Variants in LARP1B observed in about 807,000 individuals in gnomAD.
LARP1B encodes the protein la-related protein 1B.
Under a neutral mutation model 114.2 loss-of-function variants are expected in LARP1B, and 76 were observed. That is an observed-to-expected ratio of 0.67 (90% CI 0.55 to 0.81). The LOEUF is 0.81. LARP1B is among the 30% of genes least tolerant of loss of function. The pLI is 0.00. For missense variants in LARP1B, 1,014 were observed against 1,075.8 expected, an observed-to-expected ratio of 0.94 and a Z score of 0.80; for synonymous variants, 345 against 348.0, an observed-to-expected ratio of 0.99 and a Z score of 0.10.
At chr4:128,090,924 A>G in intron 5 of LARP1B, 77 bp from the exon 6 acceptor site, 1 of 1,134,312 alleles carries the variant, frequency 8.8e-7, no homozygotes, top group Non-Finnish European at 1.3e-6. Context: ...GAAGGTGGCT[A>G]TTATGTTTTC....
chr4:128,197,966 C>T (rs147533363), intron 15 of LARP1B, among the ~76,000 whole-genome samples: 1 of 141,188 alleles, frequency 7.1e-6, no homozygotes, highest in African/African-American at 2.6e-5. Flanking sequence ...CTCACTGCAA[C>T]CTCCGCTGCC....
At chr4:128,195,968 T>C (rs750817648) in intron 15 of LARP1B, among the ~76,000 whole-genome samples, 5 of 151,966 alleles carry the variant, frequency 3.3e-5, no homozygotes, top group Non-Finnish European at 7.4e-5. Context: ...ATGAGAATAC[T>C]GTGGGCTGGG....
intron 5 of LARP1B, among the ~76,000 whole-genome samples, chr4:128,085,527 G>A (rs1009333454): frequency 2.6e-4 from 40 of 151,458 alleles, no homozygotes; most frequent in African/African-American, 9.7e-4. Context: ...CACCATGCCC[G>A]GCTAATTAAA....
intron 1 of LARP1B, among the ~76,000 whole-genome samples, chr4:128,072,480 G>T (rs1765760280): frequency 1.3e-5 from 2 of 152,038 alleles, no homozygotes; most frequent in Non-Finnish European, 2.9e-5. Flanking sequence ...CATGCAGCAT[G>T]ATTTCCTCCA....
chr4:128,160,460 G>A (rs1430461233), intron 11 of LARP1B, among the ~76,000 whole-genome samples: 2 of 152,092 alleles, frequency 1.3e-5, no homozygotes, highest in African/African-American at 2.4e-5. Flanking sequence ...TACCTGAATG[G>A]TGATTAAGTC....
chr4:128,157,915 A>G (rs1303957227), intron 11 of LARP1B, among the ~76,000 whole-genome samples: 2 of 152,154 alleles, frequency 1.3e-5, no homozygotes, highest in African/African-American at 2.4e-5. Flanking sequence ...GATTCCAGAA[A>G]GAAGGTTGGA....
intron 5 of LARP1B, among the ~76,000 whole-genome samples, chr4:128,083,667 G>C (rs1209435343): frequency 1.0e-5 from 1 of 97,190 alleles, no homozygotes; most frequent in South Asian, 4.4e-4. Context: ...GGCCAGGTGG[G>C]GGGGCTGAGC....
intron 1 of LARP1B, chr4:128,061,775 G>C (rs1760198119): frequency 3.0e-6 from 3 of 984,820 alleles, no homozygotes; most frequent in Non-Finnish European, 2.4e-6. Context: ...GTCGCTGTTG[G>C]CCGCGGCGAA....
At chr4:128,167,106 G>A (rs1270500547) in intron 12 of LARP1B, among the ~76,000 whole-genome samples, 1 of 150,594 alleles carries the variant, frequency 6.6e-6, no homozygotes, top group Admixed American at 6.6e-5. Context: ...ATCATAAGTG[G>A]ACTCATACTT....
chr4:128,082,613 TTTC>T (rs1444969335), intron 5 of LARP1B, among the ~76,000 whole-genome samples: 5 of 152,224 alleles, frequency 3.3e-5, no homozygotes, highest in African/African-American at 1.2e-4. Flanking sequence ...TAATTTTTTT[TTTC>T]TCTTTAGGCT....
rs899237496 is a variant in LARP1B at position 128,155,638 on chromosome 4, C to T, written c.1525-6556C>T. The stretch of plus-strand genomic sequence containing the variant: ...CCTACAACCCCAGCCAGGAGCCATC[C>T]GGGCCCTGGGGCCGCCTCCAGTGGT... On this transcript the variant is annotated intron_variant, in intron 11 of 19. Transcript: ENST00000326639. 12 of 1,441,364 alleles carry T rather than the reference C, an allele frequency of 8.3e-6. No homozygotes were observed. The Admixed American group carries it at 1.0e-4, about 12-fold the overall frequency. 89.3% of individuals were successfully genotyped at this position (1,441,364 alleles called of 1,614,324 possible). A position where few individuals can be genotyped will look rare whatever the true frequency, so the allele number is the denominator to read the frequency against.
chr4:128,211,789 C>T lies in LARP1B; in HGVS notation c.*1736C>T. 2.3e-6 allele frequency: 2 copies of T among 861,114 alleles called. No individual in the cohort carries two copies. The highest frequency in any genetic ancestry group is 1.8e-5 in the African/African-American group (1 of 55,150). 53.3% of individuals were successfully genotyped at this position (861,114 alleles called of 1,614,324 possible). A position where few individuals can be genotyped will look rare whatever the true frequency, so the allele number is the denominator to read the frequency against. On this transcript the variant is annotated 3_prime_UTR_variant, in exon 20 of 20. Transcript: ENST00000326639. ...CTGTATTTAACCAGATATTTCTACT[C>T]AACTGAATATACAAGTGTAAATTTG...
At chr4:128,188,326 T>C (rs1000474479) in intron 15 of LARP1B, among the ~76,000 whole-genome samples, 4 of 152,078 alleles carry the variant, frequency 2.6e-5, no homozygotes, top group Non-Finnish European at 1.5e-5. Flanking sequence ...CCGCCCGCCT[T>C]GGTCTCCCAA....
At chr4:128,098,747 G>GTGTGTATA in intron 8 of LARP1B, among the ~76,000 whole-genome samples, 435 of 15,002 alleles carry the variant, frequency 0.029, 44 homozygotes, top group South Asian at 0.043. Context: ...ATATGTATGT[G>GTGTGTATA]TATATATATA....
At chr4:128,083,664 T>TG (rs1424916655) in intron 5 of LARP1B, among the ~76,000 whole-genome samples, 3 of 120,208 alleles carry the variant, frequency 2.5e-5, no homozygotes, top group Non-Finnish European at 3.5e-5. Flanking sequence ...GCTGGCCAGG[T>TG]GGGGGGGCTG....
At chr4:128,221,599 A>T (rs1290511667) in intron 7 of LARP1B, among the ~76,000 whole-genome samples, 1 of 152,204 alleles carries the variant, frequency 6.6e-6, no homozygotes, top group Non-Finnish European at 1.5e-5. Flanking sequence ...AAAATTGAGT[A>T]CCTTTCTCCA....
chr4:128,121,710 T>G, intron 10 of LARP1B, 116 bp from the exon 11 acceptor site: 1 of 687,530 alleles, frequency 1.5e-6, no homozygotes, highest in South Asian at 3.0e-5. Context: ...GTTTGGCTGT[T>G]AAACTAGCAA....
intron 11 of LARP1B, among the ~76,000 whole-genome samples, chr4:128,138,446 A>G (rs1453675570): frequency 6.6e-6 from 1 of 152,220 alleles, no homozygotes; most frequent in Non-Finnish European, 1.5e-5. Context: ...TCAAATATAG[A>G]TATTTTATTA....
Position 128,200,564 on chromosome 4 carries a change from C to T in LARP1B, c.2208C>T (p.Thr736=). The change falls in exon 17 of 20, where the codon ACC becomes ACT. Residue 736 remains threonine (T), a synonymous_variant. Transcript: ENST00000326639. Reference sequence around the variant, plus strand: ...TTGGTCAGTCCCAAGAAATGAATACCCTCTTTCGTTTCTGGTCCTTTTTCC... The same window carrying T: ...TTGGTCAGTCCCAAGAAATGAATACTCTCTTTCGTTTCTGGTCCTTTTTCC... ...LGIGQSQEMN[T]LFRFWSFFLR... is the part of the protein sequence containing the mutation. 2 of 1,588,514 alleles carry T rather than the reference C, an allele frequency of 1.3e-6. No individual in the cohort carries two copies. The highest frequency in any genetic ancestry group is 1.2e-5 in the South Asian group (1 of 84,866).
Sources: allele counts gnomAD v4.1 joint callset (sites outside exome capture counted in the v4.1 genomes callset), GRCh38; gene constraint gnomAD v4.1.1; transcripts MANE v1.5; gene names NCBI Gene and HGNC (gene_info 2026-07-23, HGNC 2026-07-21).